The following NEK11 variants were observed in gnomAD, a reference collection of about 807,000 sequenced individuals.
The protein encoded by NEK11 is NIMA related kinase 11, also known as serine/threonine-protein kinase Nek11.
A neutral mutation model predicts 80.7 loss-of-function variants in NEK11; 72 were observed. The observed-to-expected ratio is 0.89, with a 90% confidence interval of 0.74 to 1.08. The LOEUF (loss-of-function observed/expected upper bound fraction) is 1.08, where lower values mean the gene tolerates loss of function less well. Ranked by LOEUF, NEK11 falls within the 50% of genes least tolerant of loss-of-function variation. NEK11 has a pLI of 0.00. For missense variants in NEK11, 764 were observed against 763.6 expected, an observed-to-expected ratio of 1.00 and a Z score of -0.01; for synonymous variants, 251 against 260.7, an observed-to-expected ratio of 0.96 and a Z score of 0.36.
chr3:131,275,971 A>G (rs2096284357), intron 17 of NEK11, among the ~76,000 whole-genome samples: 1 of 152,228 alleles, frequency 6.6e-6, no homozygotes. Context: ...AGCCAAATAG[A>G]TGATGAGAGC....
intron 17 of NEK11, among the ~76,000 whole-genome samples, chr3:131,345,505 C>T (rs1375599281): frequency 6.6e-6 from 1 of 152,126 alleles, no homozygotes; most frequent in African/African-American, 2.4e-5. Context: ...CCTCACACCC[C>T]TAAGAATGTC....
intron 7 of NEK11, among the ~76,000 whole-genome samples, chr3:131,135,466 A>C (rs2085385601): frequency 6.6e-6 from 1 of 152,160 alleles, no homozygotes; most frequent in Non-Finnish European, 1.5e-5. Flanking sequence ...AGTTCCTTTA[A>C]ATTTTGCTTC....
chr3:131,333,815 A>G (rs1439110313), intron 17 of NEK11, among the ~76,000 whole-genome samples: 1 of 152,228 alleles, frequency 6.6e-6, no homozygotes, highest in Non-Finnish European at 1.5e-5. Flanking sequence ...AGGGGTTGCA[A>G]TCCTAGTCTC....
chr3:131,318,739 G>GTATATATATATATATATATATA (rs35126140), intron 17 of NEK11, among the ~76,000 whole-genome samples: 1 of 145,536 alleles, frequency 6.9e-6, no homozygotes, highest in Non-Finnish European at 1.5e-5. Context: ...GTGTACATGT[G>GTATATATATATATATATATATA]TATATATATA....
At chr3:131,189,084 A>G (rs1230121075) in intron 14 of NEK11, among the ~76,000 whole-genome samples, 1 of 152,122 alleles carries the variant, frequency 6.6e-6, no homozygotes, top group African/African-American at 2.4e-5. Context: ...CTACAAGCCA[A>G]GGAAGACCAA....
At chr3:131,080,630 G>A in intron 4 of NEK11, 42 bp downstream of exon 4, 1 of 1,548,832 alleles carries the variant, frequency 6.5e-7, no homozygotes, top group Non-Finnish European at 8.7e-7. Context: ...ATAAAAACTT[G>A]CTGAATGGTA....
intron 14 of NEK11, among the ~76,000 whole-genome samples, chr3:131,225,358 C>T (rs1038548360): frequency 2.0e-5 from 3 of 152,172 alleles, no homozygotes; most frequent in Non-Finnish European, 4.4e-5. Flanking sequence ...AATAAGTACA[C>T]TCTATGATGT....
intron 13 of NEK11, among the ~76,000 whole-genome samples, chr3:131,170,465 G>A (rs1302556244): frequency 6.6e-6 from 1 of 152,090 alleles, no homozygotes. Flanking sequence ...ATTGAAGAAG[G>A]CCCCCCTCAG....
At chr3:131,197,665 T>C (rs1449430053) in intron 14 of NEK11, among the ~76,000 whole-genome samples, 1 of 152,106 alleles carries the variant, frequency 6.6e-6, no homozygotes, top group Non-Finnish European at 1.5e-5. Context: ...GTAATTTCTA[T>C]TGGTTAGCTG....
chr3:131,255,303 A>G (rs1159200053), intron 16 of NEK11, among the ~76,000 whole-genome samples: 1 of 152,106 alleles, frequency 6.6e-6, no homozygotes, highest in Non-Finnish European at 1.5e-5. Flanking sequence ...ATGATCCTAA[A>G]CAGTTACTGT....
chr3:131,171,380 T>C (rs1175441972), intron 14 of NEK11, among the ~76,000 whole-genome samples: 1 of 152,206 alleles, frequency 6.6e-6, no homozygotes, highest in African/African-American at 2.4e-5. Flanking sequence ...GAGGACTTCC[T>C]GATGCCTTTG....
chr3:131,095,620 T>C (rs1046228063), intron 4 of NEK11, among the ~76,000 whole-genome samples: 2 of 152,162 alleles, frequency 1.3e-5, no homozygotes, highest in East Asian at 1.9e-4. Context: ...CTGGAAAACA[T>C]ATTAATAACA....
intron 14 of NEK11, among the ~76,000 whole-genome samples, chr3:131,179,948 C>T (rs1448103933): frequency 1.3e-5 from 2 of 152,076 alleles, no homozygotes; most frequent in African/African-American, 4.8e-5. Flanking sequence ...ACAAATACAC[C>T]TATTGACCTA....
At chr3:131,147,577 T>C (rs1419076568) in intron 7 of NEK11, among the ~76,000 whole-genome samples, 2 of 152,082 alleles carry the variant, frequency 1.3e-5, no homozygotes, top group Non-Finnish European at 2.9e-5. Context: ...TTCCTTTGTA[T>C]TTCCATATAA....
At chr3:131,097,906 A>G (rs1280694291) in intron 4 of NEK11, among the ~76,000 whole-genome samples, 1 of 145,164 alleles carries the variant, frequency 6.9e-6, no homozygotes, top group East Asian at 1.9e-4. Context: ...ACTTCAAACT[A>G]TACTACAAGG....
At chr3:131,059,906 T>C (rs1330510826) in intron 3 of NEK11, among the ~76,000 whole-genome samples, 1 of 152,228 alleles carries the variant, frequency 6.6e-6, no homozygotes, top group Admixed American at 6.5e-5. Flanking sequence ...AAATAGGTTG[T>C]ATGCTTGACT....
chr3:131,123,365 C>A (rs1486032763), intron 5 of NEK11, among the ~76,000 whole-genome samples: 2 of 152,148 alleles, frequency 1.3e-5, no homozygotes, highest in Middle Eastern at 3.4e-3. Context: ...TGGGGTTTCA[C>A]CGTGCTGGCC....
intron 17 of NEK11, among the ~76,000 whole-genome samples, chr3:131,294,114 T>G (rs2096570422): frequency 6.6e-6 from 1 of 152,104 alleles, no homozygotes; most frequent in Non-Finnish European, 1.5e-5. Flanking sequence ...TTCTGCTTAC[T>G]TTGATTAAAT....
At chr3:131,102,485 A>T (rs1400634523) in intron 4 of NEK11, among the ~76,000 whole-genome samples, 2 of 152,176 alleles carry the variant, frequency 1.3e-5, no homozygotes, top group African/African-American at 4.8e-5. Flanking sequence ...CTTTTATTTA[A>T]GAGTGCTGAA....
Sources: gnomAD v4.1 joint callset for allele counts (sites outside exome capture counted in the v4.1 genomes callset) on GRCh38, gnomAD v4.1.1 for gene constraint, MANE v1.5 for transcripts, NCBI Gene and HGNC (gene_info 2026-07-23, HGNC 2026-07-21) for gene names.